The following MTG1 variants were observed in gnomAD, a reference collection of about 807,000 sequenced individuals.
MTG1 encodes the protein mitochondrial ribosome-associated GTPase 1.
A neutral mutation model predicts 39.5 loss-of-function variants in MTG1; 30 were observed. That is an observed-to-expected ratio of 0.76 (90% CI 0.57 to 1.03). The LOEUF is 1.03. Ranked by LOEUF, MTG1 falls within the 50% of genes least tolerant of loss-of-function variation. The probability of loss-of-function intolerance (pLI) is 0.00; values close to 1 mark genes in which losing one functional copy is unlikely to be tolerated. For synonymous variants in MTG1, 217 were observed against 179.0 expected, an observed-to-expected ratio of 1.21 and a Z score of -1.69; for missense variants, 513 against 447.4, an observed-to-expected ratio of 1.15 and a Z score of -1.32.
intron 3 of MTG1, among the ~76,000 whole-genome samples, chr10:133,397,285 A>G (rs1010122951): frequency 6.6e-6 from 1 of 152,000 alleles, no homozygotes; most frequent in Non-Finnish European, 1.5e-5. Flanking sequence ...CCCCTTGTCC[A>G]GTGGACACAT....
chr10:133,417,607 A>G (rs1850150084), intron 9 of MTG1, among the ~76,000 whole-genome samples: 2 of 151,596 alleles, frequency 1.3e-5, no homozygotes, highest in South Asian at 4.2e-4. Context: ...TGCAGATGAC[A>G]TGATTGTATA....
At chr10:133,405,264 A>G (rs527697803) in intron 9 of MTG1, among the ~76,000 whole-genome samples, 3 of 152,216 alleles carry the variant, frequency 2.0e-5, no homozygotes, top group South Asian at 2.1e-4. Flanking sequence ...TTTTAATGCT[A>G]AGATTTATCT....
At chr10:133,419,683 A>C in intron 10 of MTG1, 91 bp downstream of exon 10, 1 of 1,084,632 alleles carries the variant, frequency 9.2e-7, no homozygotes, top group Non-Finnish European at 1.4e-6. Flanking sequence ...GAGGAGAGGA[A>C]CGTGTCAAGG....
chr10:133,404,319 GT>G (rs1357587583), intron 9 of MTG1, among the ~76,000 whole-genome samples: 1 of 151,696 alleles, frequency 6.6e-6, no homozygotes, highest in African/African-American at 2.4e-5. Flanking sequence ...TAGAGACAGG[GT>G]TTCCCCATGT....
intron 3 of MTG1, among the ~76,000 whole-genome samples, chr10:133,397,100 A>G (rs183620997): frequency 6.6e-6 from 1 of 152,366 alleles, no homozygotes; most frequent in Admixed American, 6.5e-5. Flanking sequence ...GCTGTGCTTC[A>G]GTGGTCACGC....
chr10:133,396,253 C>T lies in MTG1; in HGVS notation c.268C>T (p.Leu90Phe), dbSNP rs776264775. ...CCTCAACAAGATGGACTTGGCGGATCTTACAGAGCAGCAGGTAAAGGCCTT... is the reference window on the plus strand; with the variant it reads ...CCTCAACAAGATGGACTTGGCGGATTTTACAGAGCAGCAGGTAAAGGCCTT... ...LVLNKMDLADLTEQQKIMQHL... is the reference protein window; with the variant it reads ...LVLNKMDLADFTEQQKIMQHL... The change falls in exon 3 of 11, where the codon CTT becomes TTT. Residue 90 changes from leucine to phenylalanine, a missense_variant. By Grantham distance (22) the Leu-to-Phe change is conservative. Transcript: ENST00000317502. The T allele has an allele frequency of 6.2e-6, 10 of 1,614,010 alleles. No individual in the cohort carries two copies. The East Asian group carries it at 2.2e-4, about 36-fold the overall frequency.
rs777539410 is a variant in MTG1, at chr10:133,399,218, C to G, written c.412C>G (p.Arg138Gly). ...ELIGRSHRYH[R>G]KENLEYCIMV... The stretch of plus-strand genomic sequence containing the variant: ...GATTGGGAGAAGCCACCGCTACCAC[C>G]GAAAAGAGGTTGGTTGGTGGGGCCC... Residue 138 changes from arginine (R) to glycine (G), a missense_variant, in exon 5 of 11, where the codon CGA becomes GGA. Physicochemically the swap from Arg to Gly is moderately radical, Grantham distance 125. Transcript: ENST00000317502. The G allele has an allele frequency of 1.2e-6, 2 of 1,614,118 alleles. No homozygotes were observed. The highest frequency in any genetic ancestry group is 2.2e-5 in the South Asian group (2 of 91,076).
intron 9 of MTG1, among the ~76,000 whole-genome samples, chr10:133,413,331 C>T (rs1028263506): frequency 1.3e-5 from 2 of 152,188 alleles, no homozygotes; most frequent in Non-Finnish European, 1.5e-5. Context: ...CCAGGCTGGT[C>T]TTGAACTCCT....
At chr10:133,419,644 G>C in intron 10 of MTG1, 52 bp downstream of exon 10, 5 of 1,464,970 alleles carry the variant, frequency 3.4e-6, no homozygotes, top group Non-Finnish European at 4.7e-6. Flanking sequence ...TCACCCTGGG[G>C]GACCCCGGCC....
intron 9 of MTG1, among the ~76,000 whole-genome samples, chr10:133,416,207 TC>T (rs1031923248): frequency 1.3e-5 from 2 of 152,052 alleles, no homozygotes; most frequent in Non-Finnish European, 2.9e-5. Flanking sequence ...AGTTTTCACT[TC>T]CGCAAGTTGA....
chr10:133,394,189 G>T lies in MTG1; in HGVS notation c.-32G>T. On this transcript the variant is annotated 5_prime_UTR_variant, in exon 1 of 11. Coordinates refer to ENST00000317502, the MANE Select transcript of MTG1 (RefSeq NM_138384.4). ...GGTCGCAGCGGCGCAGAGGAGGTCA[G>T]CTGCGGGAGCGTTTCCGGGGACGGT... The T allele has an allele frequency of 6.7e-7, 1 of 1,483,884 alleles. No individual in the cohort carries two copies. 91.9% of individuals were successfully genotyped at this position (1,483,884 alleles called of 1,614,324 possible).
intron 9 of MTG1, among the ~76,000 whole-genome samples, chr10:133,411,118 A>G (rs996529501): frequency 6.6e-6 from 1 of 152,138 alleles, no homozygotes; most frequent in Non-Finnish European, 1.5e-5. Flanking sequence ...CAGATTGAAG[A>G]ACTTTTTTTT....
intron 10 of MTG1, among the ~76,000 whole-genome samples, 158 bp downstream of exon 10, chr10:133,419,750 C>T (rs930136013): frequency 6.6e-6 from 1 of 152,182 alleles, no homozygotes; most frequent in African/African-American, 2.4e-5. Context: ...ACAGAAAGTT[C>T]TGGAGAGGAA....
chr10:133,395,628 C>T lies in MTG1; in HGVS notation c.113-85C>T, dbSNP rs562023970. ...AGTCTTTTTAGGTTATTTATGGTGGCGTGTCATTCTGGACGGTTCAGCTTG... is the reference window on the plus strand; with the variant it reads ...AGTCTTTTTAGGTTATTTATGGTGGTGTGTCATTCTGGACGGTTCAGCTTG... On this transcript the variant is annotated intron_variant, in intron 1 of 10. Transcript: ENST00000317502. 2.0e-5 allele frequency: 25 copies of T among 1,219,554 alleles called. No individual in the cohort carries two copies. In the African/African-American group the frequency reaches 3.1e-4, roughly 15 times the overall value. The allele number at this position is 1,219,554 out of a possible 1,614,324, so 75.5% of individuals were successfully genotyped here.
chr10:133,416,132 C>T (rs370655650), intron 9 of MTG1, among the ~76,000 whole-genome samples: 15 of 151,228 alleles, frequency 9.9e-5, no homozygotes, highest in African/African-American at 2.7e-4. Context: ...GCTGTGTCTT[C>T]GGGTTCACTC....
At chr10:133,397,795 T>TTA (rs1849809862) in intron 3 of MTG1, among the ~76,000 whole-genome samples, 1 of 151,332 alleles carries the variant, frequency 6.6e-6, no homozygotes, top group Non-Finnish European at 1.5e-5. Context: ...TTTTTTTTTT[T>TTA]AAATCATCGC....
In MTG1 at chr10:133,398,529, C is replaced by T; in HGVS notation, c.363+14C>T. 5.0e-6 allele frequency: 8 copies of T among 1,610,956 alleles called. No individual in the cohort carries two copies. The highest frequency in any genetic ancestry group is 6.8e-6 in the Non-Finnish European group (8 of 1,179,092). Reference sequence around the variant, plus strand: ...AATGTCAAGCAGGTAGGCTTTTCGTCTGTGCTCTCTCTGACGCTTCTGCTT... The same window carrying T: ...AATGTCAAGCAGGTAGGCTTTTCGTTTGTGCTCTCTCTGACGCTTCTGCTT... On this transcript the variant is annotated intron_variant, in intron 4 of 10. Transcript: ENST00000317502.
intron 9 of MTG1, among the ~76,000 whole-genome samples, chr10:133,418,946 C>T (rs901805216): frequency 6.6e-6 from 1 of 152,230 alleles, no homozygotes; most frequent in African/African-American, 2.4e-5. Context: ...GCGGTGGGTG[C>T]CTAGTCAGCC....
intron 9 of MTG1, among the ~76,000 whole-genome samples, chr10:133,415,577 G>A (rs1409834606): frequency 2.0e-5 from 3 of 152,134 alleles, no homozygotes; most frequent in Non-Finnish European, 4.4e-5. Context: ...TTTCACCTGC[G>A]TGGTGTCTGA....
Sources: gnomAD v4.1 joint callset for allele counts (sites outside exome capture counted in the v4.1 genomes callset) on GRCh38, gnomAD v4.1.1 for gene constraint, MANE v1.5 for transcripts, NCBI Gene and HGNC (gene_info 2026-07-23, HGNC 2026-07-21) for gene names.